Variants in HSD17B4 observed in about 807,000 individuals in gnomAD.
HSD17B4 encodes hydroxysteroid 17-beta dehydrogenase 4.
In HSD17B4, 70 loss-of-function variants were observed where a neutral mutation model predicts 101.0. The observed-to-expected ratio is 0.69, with a 90% CI of 0.57 to 0.85. HSD17B4 has a LOEUF of 0.85. HSD17B4 is among the 40% of genes least tolerant of loss of function. HSD17B4 has a pLI of 0.00. For synonymous variants in HSD17B4, 347 were observed against 297.1 expected (o/e 1.17, Z -1.73); for missense variants, 984 against 892.4 (o/e 1.10, Z -1.31).
At chr5:119,517,365 G>A (rs943967785) in intron 17 of HSD17B4, among the ~76,000 whole-genome samples, 7 of 152,222 alleles carry the variant, frequency 4.6e-5, no homozygotes, top group Non-Finnish European at 8.8e-5. Context: ...GGGACCTGCA[G>A]CCCGCCATGC....
chr5:119,507,241 C>G (rs1580646845), intron 15 of HSD17B4, among the ~76,000 whole-genome samples: 1 of 152,110 alleles, frequency 6.6e-6, no homozygotes, highest in Non-Finnish European at 1.5e-5. Flanking sequence ...GACAATTAGG[C>G]TGTGTTTTAG....
chr5:119,486,967 A>G (rs985507316), intron 8 of HSD17B4, among the ~76,000 whole-genome samples: 1 of 151,706 alleles, frequency 6.6e-6, no homozygotes, highest in South Asian at 2.1e-4. Context: ...TCTTTACCTG[A>G]TCTTTTTCTG....
chr5:119,466,405 T>C (rs1755815170), intron 2 of HSD17B4, among the ~76,000 whole-genome samples: 1 of 152,224 alleles, frequency 6.6e-6, no homozygotes, highest in Admixed American at 6.5e-5. Flanking sequence ...CTTTAAATGT[T>C]TGGTAAAATT....
chr5:119,478,744 G>C, intron 7 of HSD17B4, 90 bp from the exon 8 acceptor site: 1 of 1,015,348 alleles, frequency 9.8e-7, no homozygotes, highest in East Asian at 2.4e-5. Flanking sequence ...AGTTGCTTTT[G>C]ATAGGTGCAG....
intron 8 of HSD17B4, chr5:119,487,231 C>A (rs1271003318): frequency 7.0e-6 from 1 of 142,354 alleles, no homozygotes; most frequent in Non-Finnish European, 1.5e-5. Context: ...GCACTAGGGA[C>A]TCTTTTCTAT....
intron 17 of HSD17B4, among the ~76,000 whole-genome samples, chr5:119,522,786 TC>T (rs1336004821): frequency 6.6e-6 from 1 of 152,164 alleles, no homozygotes; most frequent in Non-Finnish European, 1.5e-5. Context: ...TTTATTCTGT[TC>T]TCCCCGAAAG....
At position 119,473,925 on chromosome 5, in the gene HSD17B4, G is replaced by T; in HGVS notation, c.130G>T (p.Asp44Tyr). 6.3e-7 allele frequency: 1 copy of T among 1,599,210 alleles called. No individual in the cohort carries two copies. Among genetic ancestry groups the T allele is most frequent in the Non-Finnish European group, 8.6e-7 (1 of 1,166,480 alleles). The change falls in exon 3 of 24, where the codon GAC becomes TAC. Residue 44 changes from aspartate to tyrosine, a missense_variant. Transcript: ENST00000510025. Reference sequence around the variant, plus strand: ...CATTACAGTGAATGATTTGGGAGGGGACTTCAAAGGAGTTGGTAAAGGCTC... The same window carrying T: ...CATTACAGTGAATGATTTGGGAGGGTACTTCAAAGGAGTTGGTAAAGGCTC... Reference protein sequence around the residue: ...ALVVVNDLGGDFKGVGKGSLA... With the variant: ...ALVVVNDLGGYFKGVGKGSLA...
chr5:119,479,583 T>C (rs1748925355), intron 8 of HSD17B4, among the ~76,000 whole-genome samples: 1 of 152,208 alleles, frequency 6.6e-6, no homozygotes, highest in Non-Finnish European at 1.5e-5. Flanking sequence ...TATAATGTCA[T>C]GCAGAATGGT....
At chr5:119,533,178 T>C (rs901756043) in intron 22 of HSD17B4, among the ~76,000 whole-genome samples, 1 of 152,092 alleles carries the variant, frequency 6.6e-6, no homozygotes, top group Non-Finnish European at 1.5e-5. Flanking sequence ...TGGAAAAAAG[T>C]GCTCTCTGCT....
At chr5:119,521,513 G>A (rs950012745) in intron 17 of HSD17B4, among the ~76,000 whole-genome samples, 7 of 151,816 alleles carry the variant, frequency 4.6e-5, no homozygotes, top group African/African-American at 1.5e-4. Context: ...TATGTATGTT[G>A]AATCTTTTCA....
At chr5:119,489,829 T>C (rs1336791038) in intron 9 of HSD17B4, among the ~76,000 whole-genome samples, 1 of 151,818 alleles carries the variant, frequency 6.6e-6, no homozygotes, top group African/African-American at 2.4e-5. Context: ...AAATGAACTT[T>C]TCTGTTTTTT....
At chr5:119,453,088 T>A (rs1401023195) in intron 1 of HSD17B4, among the ~76,000 whole-genome samples, 2 of 152,226 alleles carry the variant, frequency 1.3e-5, no homozygotes, top group African/African-American at 4.8e-5. Flanking sequence ...ATTCGGTCGT[T>A]CAGTGTTTGT....
chr5:119,500,309 TAG>T (rs200860768), intron 13 of HSD17B4, among the ~76,000 whole-genome samples: 2 of 151,476 alleles, frequency 1.3e-5, no homozygotes, highest in African/African-American at 2.4e-5. Flanking sequence ...TATATATATA[TAG>T]AGAGAGAGAT....
At chr5:119,456,657 G>A (rs1177298251) in intron 2 of HSD17B4, 1 of 442,240 alleles carries the variant, frequency 2.3e-6, no homozygotes, top group East Asian at 4.6e-5. Context: ...TGAGGTGGGA[G>A]GATCGCTTGA....
intron 23 of HSD17B4, among the ~76,000 whole-genome samples, chr5:119,539,071 G>A (rs1412756735): frequency 6.6e-6 from 1 of 152,012 alleles, no homozygotes; most frequent in Non-Finnish European, 1.5e-5. Flanking sequence ...AGAAACTTCT[G>A]CATGTCAGAC....
At chr5:119,458,464 C>T (rs257983) in intron 2 of HSD17B4, among the ~76,000 whole-genome samples, 40,100 of 150,928 alleles carry the variant, frequency 0.27, 6,663 homozygotes, top group East Asian at 0.41. Flanking sequence ...GCCTTAGCCT[C>T]CCAAGTAGCT....
At chr5:119,478,778 T>C in intron 7 of HSD17B4, 56 bp from the exon 8 acceptor site, 1 of 1,443,118 alleles carries the variant, frequency 6.9e-7, no homozygotes, top group Admixed American at 1.7e-5. Flanking sequence ...GAGTTAGAGT[T>C]GCAATGTTAT....
rs770772281 is a variant in HSD17B4, at chr5:119,474,462, T to C, written c.280+2T>C. The stretch of plus-strand genomic sequence containing the variant: ...CCCTGGATGCTTTTGGAAGAATAGG[T>C]GATGTTTCTTTGTGTTATGGCTCTT... On this transcript the variant is annotated splice_donor_variant, in intron 4 of 23. Transcript: ENST00000510025. LOFTEE classifies it high-confidence loss of function. The C allele has an allele frequency of 4.2e-5, 67 of 1,584,078 alleles. No homozygotes were observed. The highest frequency in any genetic ancestry group is 5.6e-5 in the Non-Finnish European group (65 of 1,152,678).
chr5:119,503,528 C>A (rs967060037), intron 14 of HSD17B4, among the ~76,000 whole-genome samples: 1 of 151,980 alleles, frequency 6.6e-6, no homozygotes, highest in Non-Finnish European at 1.5e-5. Context: ...TGCAGAAAAC[C>A]AAGGTCACGA....
Sources: allele counts gnomAD v4.1 joint callset (sites outside exome capture counted in the v4.1 genomes callset), GRCh38; gene constraint gnomAD v4.1.1; transcripts MANE v1.5; gene names NCBI Gene and HGNC (gene_info 2026-07-23, HGNC 2026-07-21).